The following KLHL12 variants were observed in gnomAD, a reference collection of about 807,000 sequenced individuals.
KLHL12 encodes kelch-like protein 12.
Under a neutral mutation model 60.8 loss-of-function variants are expected in KLHL12, and 17 were observed. The ratio of observed to expected loss-of-function variants is 0.28; its 90% confidence interval spans 0.19 to 0.42. KLHL12 has a LOEUF of 0.42. Among genes scored for constraint, KLHL12 ranks in the 10% least tolerant of loss-of-function variants. The probability of loss-of-function intolerance (pLI) is 1.00; values close to 1 mark genes in which losing one functional copy is unlikely to be tolerated. For synonymous variants in KLHL12, 220 were observed against 250.9 expected (o/e 0.88, Z 1.16); for missense variants, 468 against 722.3 (o/e 0.65, Z 4.04).
At chr1:202,913,044 G>A (rs1261939242) in intron 4 of KLHL12, among the ~76,000 whole-genome samples, 11 of 150,476 alleles carry the variant, frequency 7.3e-5, no homozygotes, top group African/African-American at 2.4e-4. Context: ...GTCTGATGGT[G>A]ATGCTGAATA....
At chr1:202,905,942 C>CTACA (rs1289387363) in intron 6 of KLHL12, among the ~76,000 whole-genome samples, 5 of 139,040 alleles carry the variant, frequency 3.6e-5, no homozygotes. Context: ...GTAGCTTGAA[C>CTACA]TACAGGTGCC....
intron 6 of KLHL12, 56 bp from the exon 7 acceptor site, chr1:202,897,016 T>A: frequency 7.8e-7 from 1 of 1,280,308 alleles, no homozygotes; most frequent in Non-Finnish European, 1.1e-6. Context: ...GATGGGTAAC[T>A]AGTCACAGGG....
chr1:202,911,330 G>T (rs765771585), intron 4 of KLHL12, 127 bp from the exon 5 acceptor site: 307 of 1,055,416 alleles, frequency 2.9e-4, no homozygotes, highest in Non-Finnish European at 3.6e-4. Flanking sequence ...CCATCTTCCA[G>T]AAATAGCTAG....
chr1:202,908,725 T>C (rs114687618), intron 6 of KLHL12, among the ~76,000 whole-genome samples: 19 of 152,204 alleles, frequency 1.2e-4, no homozygotes, highest in African/African-American at 4.1e-4. Flanking sequence ...CTAAATAATA[T>C]TGACAAAAAA....
At chr1:202,904,812 T>G (rs1660132010) in intron 6 of KLHL12, among the ~76,000 whole-genome samples, 1 of 152,196 alleles carries the variant, frequency 6.6e-6, no homozygotes, top group South Asian at 2.1e-4. Context: ...CACATTTCCA[T>G]TTGCACTGAT....
chr1:202,920,061 C>A lies in KLHL12; in HGVS notation c.196-153G>T, dbSNP rs775935952. On this transcript the variant is annotated intron_variant, in intron 2 of 11. Transcript: ENST00000367261. ...AGGCGTGGTGGCTCATGCCTGTAAT[C>A]CCAGCACTTTGAGAGGCTAAGGCAG... Among the ~76,000 whole-genome samples the A allele has an allele frequency of 7.8e-4, 118 of 152,232 alleles. 1 individual carries two copies. Among genetic ancestry groups the A allele is most frequent in the Non-Finnish European group, 1.4e-3 (97 of 68,012 alleles).
intron 4 of KLHL12, 87 bp downstream of exon 4, chr1:202,918,084 G>A: frequency 2.1e-6 from 2 of 932,200 alleles, no homozygotes; most frequent in South Asian, 3.1e-5. Context: ...TAATTATGAA[G>A]CCCTGATGGT....
chr1:202,917,889 G>A (rs1215252717), intron 4 of KLHL12, among the ~76,000 whole-genome samples: 1 of 152,192 alleles, frequency 6.6e-6, no homozygotes, highest in Non-Finnish European at 1.5e-5. Context: ...GGGTAATAGA[G>A]AAGTGGTCTA....
At chr1:202,925,234 GCA>G in intron 1 of KLHL12, 27 bp from the exon 2 acceptor site, 1 of 1,594,984 alleles carries the variant, frequency 6.3e-7, no homozygotes, top group Non-Finnish European at 8.5e-7. Flanking sequence ...AAAACAATGA[GCA>G]TATTCAAAGA....
intron 2 of KLHL12, among the ~76,000 whole-genome samples, chr1:202,923,853 A>C (rs1235511444): frequency 1.1e-5 from 1 of 94,258 alleles, no homozygotes; most frequent in Non-Finnish European, 2.2e-5. Context: ...AAGATGATAG[A>C]ACTAACTAAA....
rs567158391 is a variant in KLHL12, at chr1:202,909,772, ACT to A, written c.718-650_718-649del. Among the ~76,000 whole-genome samples the A allele has an allele frequency of 6.6e-5, 10 of 151,852 alleles. No individual in the cohort carries two copies. Among genetic ancestry groups the A allele is most frequent in the Non-Finnish European group, 1.5e-4 (10 of 67,958 alleles). ...GGTCAAGGTTTCTCTCAAGGCAGTG[ACT>A]CTACACGATTCTCTTTCCTTTAAGG... is the stretch of plus-strand genomic sequence containing the variant. On this transcript the variant is annotated intron_variant, in intron 5 of 11. Transcript: ENST00000367261. This position sits in a 1 kb window ranked among gnomAD's most constrained non-coding sequence, Gnocchi z 4.1.
chr1:202,922,488 G>C (rs1057174022), intron 2 of KLHL12, among the ~76,000 whole-genome samples: 10 of 150,454 alleles, frequency 6.6e-5, no homozygotes, highest in African/African-American at 2.4e-4. Context: ...GAAGATCCAA[G>C]ACTTTTTTTT....
intron 1 of KLHL12, 103 bp from the exon 2 acceptor site, chr1:202,925,310 C>A: frequency 7.5e-7 from 1 of 1,341,428 alleles, no homozygotes; most frequent in Non-Finnish European, 1.0e-6. Flanking sequence ...CTTCCTCAGA[C>A]CCAAACATAC....
At position 202,911,049 on chromosome 1, in the gene KLHL12, C is replaced by T; in HGVS notation, c.717+5G>A. On this transcript the variant is annotated splice_donor_5th_base_variant and intron_variant, in intron 5 of 11. Coordinates refer to ENST00000367261, the MANE Select transcript of KLHL12 (RefSeq NM_021633.4). ...TTTGGATCCTGAGAGTGTTGCACTA[C>T]TTACCTCAGCATCTATTACATCTGT... is the stretch of plus-strand genomic sequence containing the variant. 1 of 1,613,916 alleles carries T rather than the reference C, an allele frequency of 6.2e-7. No homozygotes were observed. Among genetic ancestry groups the T allele is most frequent in the Non-Finnish European group, 8.5e-7 (1 of 1,179,882 alleles).
chr1:202,908,871 G>A (rs1557993018), intron 6 of KLHL12, 139 bp downstream of exon 6: 2 of 574,426 alleles, frequency 3.5e-6, no homozygotes, highest in Non-Finnish European at 6.3e-6. Context: ...GAGTGGTAAA[G>A]TGACTTGTCT....
chr1:202,921,600 T>C (rs1198833258), intron 2 of KLHL12, among the ~76,000 whole-genome samples: 1 of 152,262 alleles, frequency 6.6e-6, no homozygotes, highest in African/African-American at 2.4e-5. Flanking sequence ...TTAGACTAAC[T>C]GAATTGTTAG....
At chr1:202,901,426 G>A (rs889664526) in intron 6 of KLHL12, among the ~76,000 whole-genome samples, 4 of 151,618 alleles carry the variant, frequency 2.6e-5, no homozygotes, top group African/African-American at 9.7e-5. Flanking sequence ...TGAGCAGCTG[G>A]GAGCACAGTG....
intron 3 of KLHL12, among the ~76,000 whole-genome samples, chr1:202,919,344 C>A (rs1159780370): frequency 1.3e-5 from 2 of 152,132 alleles, no homozygotes; most frequent in Non-Finnish European, 2.9e-5. Flanking sequence ...TTTTGTGCAT[C>A]AATTTAAATT....
Position 202,925,010 on chromosome 1 carries a change from C to A in KLHL12, c.153G>T (p.Leu51=). The A allele has an allele frequency of 6.2e-7, 1 of 1,614,182 alleles. No individual in the cohort carries two copies. Among genetic ancestry groups the A allele is most frequent in the Non-Finnish European group, 8.5e-7 (1 of 1,180,028 alleles). ...CACAGAAGTAATCACTACAGGCAGC[C>A]AGCACAATCCGATGGGCAGGGAAGT... The part of the protein sequence containing the change: ...QKDFPAHRIV[L]AACSDYFCAM... Residue 51 remains leucine (L), a synonymous_variant, in exon 2 of 12, where the codon CTG becomes CTT. Transcript: ENST00000367261.
Sources: gnomAD v4.1 joint callset for allele counts (sites outside exome capture counted in the v4.1 genomes callset) on GRCh38, gnomAD v4.1.1 for gene constraint, Gnocchi (gnomAD v3.1) non-coding constraint, MANE v1.5 for transcripts, NCBI Gene and HGNC (gene_info 2026-07-23, HGNC 2026-07-21) for gene names.